Variants in ADGRA2 observed in about 807,000 individuals in gnomAD.
The protein encoded by ADGRA2 is G-protein coupled receptor 124.
ADGRA2 carries 61 observed loss-of-function variants against 98.7 expected under a neutral mutation model. That is an observed-to-expected ratio of 0.62 (90% CI 0.50 to 0.76). The LOEUF is 0.76. Ranked by LOEUF, ADGRA2 falls within the 30% of genes least tolerant of loss-of-function variation. ADGRA2 has a pLI of 0.00. For synonymous variants in ADGRA2, 858 were observed against 831.5 expected (o/e 1.03, Z -0.55); for missense variants, 1,712 against 1,860.0 (o/e 0.92, Z 1.46).
intron 1 of ADGRA2, among the ~76,000 whole-genome samples, chr8:37,803,810 G>T (rs758250093): frequency 6.6e-6 from 1 of 152,094 alleles, no homozygotes; most frequent in Non-Finnish European, 1.5e-5. Context: ...AATGGACAGG[G>T]TGGGAGAGCG....
At chr8:37,815,030 GGGA>G in intron 2 of ADGRA2, 63 bp downstream of exon 2, 6 of 1,120,460 alleles carry the variant, frequency 5.4e-6, no homozygotes, top group South Asian at 1.2e-5. Context: ...GGTCACCCCG[GGGA>G]GGAGGAGGAA....
chr8:37,833,890 G>C (rs1325020921), intron 10 of ADGRA2, 53 bp downstream of exon 10: 1 of 1,608,288 alleles, frequency 6.2e-7, no homozygotes. Context: ...TCCCTCATTT[G>C]CTCAAGCCTC....
intron 17 of ADGRA2, among the ~76,000 whole-genome samples, 190 bp downstream of exon 17, chr8:37,840,456 G>A (rs1805756232): frequency 6.6e-6 from 1 of 152,096 alleles, no homozygotes; most frequent in South Asian, 2.1e-4. Context: ...CGGGCTTCTG[G>A]GGCATGACAA....
Position 37,829,550 on chromosome 8 carries a change from T to A in ADGRA2, c.545T>A (p.Leu182His). Reference protein sequence around the residue: ...QPGVFDELPALKVVDLGTEFL... With the variant: ...QPGVFDELPAHKVVDLGTEFL... ...GGGGTCTTTGATGAGCTGCCAGCCC[T>A]TAAGGTTGTGTGAGTATCTCTTCCT... is the stretch of plus-strand genomic sequence containing the variant. Residue 182 changes from leucine (L) to histidine (H), a missense_variant, in exon 5 of 19, where the codon CTT becomes CAT. Coordinates refer to ENST00000412232, the MANE Select transcript of ADGRA2 (RefSeq NM_032777.10). 1 of 1,610,454 alleles carries A rather than the reference T, an allele frequency of 6.2e-7. No individual in the cohort carries two copies. The highest frequency in any genetic ancestry group is 8.5e-7 in the Non-Finnish European group (1 of 1,176,706).
chr8:37,840,100 C>T (rs770846796), intron 16 of ADGRA2, 21 bp from the exon 17 acceptor site: 2 of 1,559,028 alleles, frequency 1.3e-6, no homozygotes, highest in Non-Finnish European at 1.7e-6. Context: ...GGTCCCCAGC[C>T]TCCGTGCCTT....
At position 37,839,494 on chromosome 8, in the gene ADGRA2, G is replaced by C. The variant is rs1160866435; in HGVS notation, c.2388-5G>C. 2 of 1,613,938 alleles carry C rather than the reference G, an allele frequency of 1.2e-6. No individual in the cohort carries two copies. Among genetic ancestry groups the C allele is most frequent in the African/African-American group, 2.7e-5 (2 of 74,906 alleles). ...GGCCATTAATTCGAGACTGTTTCCGGGCAGCTCCATCCGTGTGTCCCGGAA... is the reference window on the plus strand; with the variant it reads ...GGCCATTAATTCGAGACTGTTTCCGCGCAGCTCCATCCGTGTGTCCCGGAA... On this transcript the variant is annotated splice_polypyrimidine_tract_variant and splice_region_variant and intron_variant, in intron 15 of 18. Transcript: ENST00000412232.
At position 37,802,003 on chromosome 8, in the gene ADGRA2, C is replaced by T. The variant is rs376305350; in HGVS notation, c.266+4469C>T. ...CTGCTCGGCCTCCCATTCAGGGAAGCGGGGGTGCCCACCACGCAGGCTGCC... is the reference window on the plus strand; with the variant it reads ...CTGCTCGGCCTCCCATTCAGGGAAGTGGGGGTGCCCACCACGCAGGCTGCC... On this transcript the variant is annotated intron_variant, in intron 1 of 18. Transcript: ENST00000412232. The surrounding 1 kb of genome is among the most constrained non-coding windows in gnomAD (Gnocchi z 4.7). Among the ~76,000 whole-genome samples the T allele has an allele frequency of 1.3e-5, 2 of 152,218 alleles. No individual in the cohort carries two copies. Among genetic ancestry groups the T allele is most frequent in the Non-Finnish European group, 2.9e-5 (2 of 68,032 alleles).
At chr8:37,822,191 A>G (rs972433745) in intron 2 of ADGRA2, among the ~76,000 whole-genome samples, 2 of 152,122 alleles carry the variant, frequency 1.3e-5, no homozygotes, top group African/African-American at 2.4e-5. Context: ...AGACACTTCT[A>G]TACCTGCAGG....
intron 16 of ADGRA2, 82 bp from the exon 17 acceptor site, chr8:37,840,039 G>A (rs912251336): frequency 2.3e-6 from 3 of 1,309,832 alleles, no homozygotes; most frequent in African/African-American, 2.9e-5. Flanking sequence ...TGGAAGCCTG[G>A]GAGGACACCA....
At position 37,834,014 on chromosome 8, in the gene ADGRA2, C is replaced by T. The variant is rs762999141; in HGVS notation, c.1494C>T (p.Asp498=). The part of the protein sequence containing the change: ...VDMASNLMLV[D]EHLLWLAQRE... ...TGGCCAGCAACCTGATGCTGGTGGA[C>T]GAGCACCTGCTGTGGCTGGCCCAGC... Residue 498 remains aspartate, a synonymous_variant, in exon 11 of 19, where the codon GAC becomes GAT. Transcript: ENST00000412232. The surrounding 1 kb of genome is among the most constrained non-coding windows in gnomAD (Gnocchi z 4.2). The T allele has an allele frequency of 5.0e-6, 8 of 1,612,996 alleles. No individual in the cohort carries two copies. Among genetic ancestry groups the T allele is most frequent in the Admixed American group, 3.3e-5 (2 of 59,996 alleles).
intron 2 of ADGRA2, among the ~76,000 whole-genome samples, chr8:37,815,447 C>G (rs965290972): frequency 2.6e-5 from 4 of 152,256 alleles, no homozygotes; most frequent in Non-Finnish European, 4.4e-5. Flanking sequence ...CAGCCCACCC[C>G]ACCCTGGTTC....
rs751441114 is a variant in ADGRA2 at position 37,840,239 on chromosome 8, C to T, written c.2630C>T (p.Ala877Val). 6 of 1,612,804 alleles carry T rather than the reference C, an allele frequency of 3.7e-6. No individual in the cohort carries two copies. The East Asian group carries it at 1.3e-4, about 36-fold the overall frequency. Residue 877 changes from alanine (A) to valine (V), a missense_variant, in exon 17 of 19, where the codon GCT becomes GTT. Physicochemically the swap from Ala to Val is moderately conservative, Grantham distance 64. Transcript: ENST00000412232. ...RAPPPQEGDPALPTPSPMLRF... is the reference protein window; with the variant it reads ...RAPPPQEGDPVLPTPSPMLRF... Reference sequence around the variant, plus strand: ...CCCCCTCCGCAAGAAGGGGACCCCGCTCTGCCTACTCCCAGTCCTATGCTC... The same window carrying T: ...CCCCCTCCGCAAGAAGGGGACCCCGTTCTGCCTACTCCCAGTCCTATGCTC...
At chr8:37,840,391 G>A (rs1440594599) in intron 17 of ADGRA2, 125 bp downstream of exon 17, 3 of 995,894 alleles carry the variant, frequency 3.0e-6, no homozygotes, top group Non-Finnish European at 3.1e-6. Flanking sequence ...AGACGGGGGA[G>A]GCTAGGCCCT....
chr8:37,816,997 G>C (rs1029636223), intron 2 of ADGRA2, among the ~76,000 whole-genome samples: 1 of 149,570 alleles, frequency 6.7e-6, no homozygotes, highest in African/African-American at 2.5e-5. Context: ...CTCCTGTCAA[G>C]TTCAAAGGAG....
chr8:37,797,331 G>T lies in ADGRA2; in HGVS notation c.63G>T (p.Pro21=), dbSNP rs955298815. The T allele has an allele frequency of 1.5e-6, 2 of 1,365,726 alleles. No homozygotes were observed. Among genetic ancestry groups the T allele is most frequent in the Non-Finnish European group, 1.9e-6 (2 of 1,065,234 alleles). 84.6% of individuals were successfully genotyped at this position (1,365,726 alleles called of 1,614,324 possible). A position where few individuals can be genotyped will look rare whatever the true frequency, so the allele number is the denominator to read the frequency against. The change falls in exon 1 of 19, where the codon CCG becomes CCT. Residue 21 remains proline (P), a synonymous_variant. Transcript: ENST00000412232. The surrounding 1 kb of genome is among the most constrained non-coding windows in gnomAD (Gnocchi z 5.3). The part of the protein sequence containing the change: ...APARLLLPLL[P]WLLLLLAPEA... ...CGCGCCTGCTGCTGCCGCTGCTGCC[G>T]TGGCTCCTGCTGCTCCTGGCGCCCG...
At chr8:37,806,453 G>A (rs189656446) in intron 1 of ADGRA2, among the ~76,000 whole-genome samples, 26 of 151,778 alleles carry the variant, frequency 1.7e-4, no homozygotes, top group Admixed American at 1.3e-3. Context: ...GCACCACCTC[G>A]GGTAGCTTCA....
rs1310425865 is a variant in ADGRA2, at chr8:37,804,100, G to GAGAC, written c.266+6567_266+6568insGACA. Among the ~76,000 whole-genome samples, 439 of 107,194 alleles carry GAGAC rather than the reference G, an allele frequency of 4.1e-3. 6 individuals are homozygous for GAGAC. Among genetic ancestry groups the GAGAC allele is most frequent in the African/African-American group, 0.015 (419 of 27,130 alleles). 70.3% of individuals were successfully genotyped at this position (107,194 alleles called of 152,430 possible). A position where few individuals can be genotyped will look rare whatever the true frequency, so the allele number is the denominator to read the frequency against. Reference sequence around the variant, plus strand: ...GGAGGGGCCAGCCTGCCCACGGTGAGACACACACACACACACACACACACA... The same window carrying GAGAC: ...GGAGGGGCCAGCCTGCCCACGGTGAGAGACACACACACACACACACACACACACA... On this transcript the variant is annotated intron_variant, in intron 1 of 18. Transcript: ENST00000412232.
Position 37,831,446 on chromosome 8 carries a change from G to T in ADGRA2, c.956G>T (p.Gly319Val). ...ITSELTLSHI[G>V]VWASGEWECT... Reference sequence around the variant, plus strand: ...AGTGAGCTGACGCTGTCTCACATCGGCGTGTGGGCCTCAGGCGAGTGGGAG... The same window carrying T: ...AGTGAGCTGACGCTGTCTCACATCGTCGTGTGGGCCTCAGGCGAGTGGGAG... Residue 319 changes from glycine (G) to valine (V), a missense_variant, in exon 8 of 19, where the codon GGC (glycine) becomes GTC (valine). Transcript: ENST00000412232. The T allele has an allele frequency of 6.2e-7, 1 of 1,612,324 alleles. No homozygotes were observed.
chr8:37,808,097 C>A (rs1019793146), intron 1 of ADGRA2, among the ~76,000 whole-genome samples: 21 of 152,140 alleles, frequency 1.4e-4, no homozygotes, highest in African/African-American at 4.1e-4. Flanking sequence ...CAAAATGGGA[C>A]CCCAGCCGGG....
Sources: gnomAD v4.1 joint callset for allele counts (sites outside exome capture counted in the v4.1 genomes callset) on GRCh38, gnomAD v4.1.1 for gene constraint, Gnocchi (gnomAD v3.1) non-coding constraint, MANE v1.5 for transcripts, NCBI Gene and HGNC (gene_info 2026-07-23, HGNC 2026-07-21) for gene names.